CFAP69: variants seen among roughly 807,000 people sequenced by gnomAD.
The protein encoded by CFAP69 is cilia- and flagella-associated protein 69.
CFAP69 carries 92 observed loss-of-function variants against 123.0 expected under a neutral mutation model. The observed-to-expected ratio is 0.75, with a 90% confidence interval of 0.63 to 0.89. The LOEUF is 0.89. Among genes scored for constraint, CFAP69 ranks in the 40% least tolerant of loss-of-function variants. The probability of loss-of-function intolerance (pLI) is 0.00; values close to 1 mark genes in which losing one functional copy is unlikely to be tolerated. For missense variants in CFAP69, 1,067 were observed against 1,096.9 expected (o/e 0.97, Z 0.39); for synonymous variants, 380 against 364.3 (o/e 1.04, Z -0.49).
intron 11 of CFAP69, among the ~76,000 whole-genome samples, chr7:90,278,714 C>G (rs1788978914): frequency 6.6e-6 from 1 of 152,030 alleles, no homozygotes. Flanking sequence ...TTTTATGTGT[C>G]ACATAATTTG....
At chr7:90,250,143 AG>A (rs1300496721) in intron 1 of CFAP69, among the ~76,000 whole-genome samples, 2 of 151,346 alleles carry the variant, frequency 1.3e-5, no homozygotes, top group African/African-American at 4.9e-5. Flanking sequence ...AGGAATTCAA[AG>A]CTAGCCTGGG....
At chr7:90,317,931 T>C in the CFAP69 span, 9 of 152,180 alleles carry the variant, frequency 5.9e-5, no homozygotes, top group Admixed American at 5.9e-4. Flanking sequence ...TGAAAACCTA[T>C]GGGTGAGATT....
At chr7:90,280,505 C>T (rs892127092) in intron 12 of CFAP69, among the ~76,000 whole-genome samples, 6 of 152,218 alleles carry the variant, frequency 3.9e-5, no homozygotes, top group African/African-American at 1.4e-4. Context: ...CAATATTGCC[C>T]AGTCTGGCAG....
At chr7:90,263,078 T>A (rs1798553505) in intron 4 of CFAP69, among the ~76,000 whole-genome samples, 1 of 152,208 alleles carries the variant, frequency 6.6e-6, no homozygotes, top group Non-Finnish European at 1.5e-5. Flanking sequence ...ATCTCAAGGC[T>A]TTGCAAATCC....
intron 8 of CFAP69, among the ~76,000 whole-genome samples, chr7:90,272,444 T>C (rs554159217): frequency 6.6e-6 from 1 of 152,232 alleles, no homozygotes; most frequent in Admixed American, 6.5e-5. Context: ...ATTTACATTG[T>C]GCTAGGAGGG....
chr7:90,281,274 AC>A (rs1291721435), intron 12 of CFAP69, among the ~76,000 whole-genome samples: 2 of 152,196 alleles, frequency 1.3e-5, no homozygotes, highest in Admixed American at 6.5e-5. Context: ...ATTTTAACCA[AC>A]ATGCAATACT....
chr7:90,315,957 G>T (rs1265017474), downstream of CFAP69, among the ~76,000 whole-genome samples: 1 of 152,082 alleles, frequency 6.6e-6, no homozygotes, highest in Non-Finnish European at 1.5e-5. Context: ...AGCTGGGCAT[G>T]GTGGCAGGTG....
rs745328008 is a variant in CFAP69 at position 90,307,958 on chromosome 7, C to T, written c.2550+104C>T. ...ATTCATTTTTTCCTAGTGACCTTTCCGTACAATACCAGCACTATTAGATGC... is the reference window on the plus strand; with the variant it reads ...ATTCATTTTTTCCTAGTGACCTTTCTGTACAATACCAGCACTATTAGATGC... On this transcript the variant is annotated intron_variant, in intron 21 of 22. Transcript: ENST00000389297. The T allele has an allele frequency of 1.3e-4, 87 of 657,240 alleles. 1 individual carries two copies. The Middle Eastern group carries it at 8.6e-3, about 65-fold the overall frequency. 40.7% of individuals were successfully genotyped at this position (657,240 alleles called of 1,614,324 possible).
intron 22 of CFAP69, 142 bp from the exon 23 acceptor site, chr7:90,309,926 A>G: frequency 1.7e-6 from 1 of 603,950 alleles, no homozygotes; most frequent in Non-Finnish European, 2.8e-6. Context: ...CGATGCCCTT[A>G]TCTTTCTATT....
chr7:90,286,802 T>C (rs1790353011), intron 14 of CFAP69, among the ~76,000 whole-genome samples: 1 of 152,142 alleles, frequency 6.6e-6, no homozygotes, highest in Non-Finnish European at 1.5e-5. Flanking sequence ...AATATATCCA[T>C]GTTGGCCGGG....
In CFAP69 at chr7:90,258,269, A is replaced by C. The variant is rs185565732; in HGVS notation, c.246+106A>C. 1.8e-5 allele frequency: 15 copies of C among 830,472 alleles called. No individual in the cohort carries two copies. The Admixed American group carries it at 3.1e-4, about 17-fold the overall frequency. The allele number at this position is 830,472 out of a possible 1,614,324, so 51.4% of individuals were successfully genotyped here. ...TTGCTGTTGTAACAAATTACCATAA[A>C]TTTGATGGCTTAAAACAACATAAAG... On this transcript the variant is annotated intron_variant, in intron 3 of 22. Coordinates refer to ENST00000389297, the MANE Select transcript of CFAP69 (RefSeq NM_001039706.3).
intron 8 of CFAP69, among the ~76,000 whole-genome samples, chr7:90,273,183 C>A (rs1183958615): frequency 3.3e-5 from 5 of 152,038 alleles, no homozygotes; most frequent in Non-Finnish European, 2.9e-5. Context: ...GTTTTGCATG[C>A]GGAGAGCATC....
chr7:90,268,412 T>TAACTTGTGTATGTAG, intron 6 of CFAP69, 28 bp downstream of exon 6: 1 of 1,450,214 alleles, frequency 6.9e-7, no homozygotes, highest in Non-Finnish European at 9.7e-7. Flanking sequence ...CTTTCAGTGA[T>TAACTTGTGTATGTAG]AACTTGTGTA....
chr7:90,248,696 C>G (rs1796605307), intron 1 of CFAP69, among the ~76,000 whole-genome samples: 1 of 152,138 alleles, frequency 6.6e-6, no homozygotes, highest in African/African-American at 2.4e-5. Context: ...CAAATTTTCT[C>G]TCTATAAAAA....
rs1584426312 is a variant in CFAP69, at chr7:90,277,257, T to G, written c.1078T>G (p.Ser360Ala). 1 of 1,591,924 alleles carries G rather than the reference T, an allele frequency of 6.3e-7. No homozygotes were observed. Among genetic ancestry groups the G allele is most frequent in the African/African-American group, 1.4e-5 (1 of 73,564 alleles). ...LLVKGLKLSN[S>A]YEDFELKKLL... ...GGTAAAAGGACTTAAGCTTTCTAAT[T>G]CCTATGAAGATTTTGAGTTGAAGAA... Residue 360 changes from serine (S) to alanine (A), a missense_variant, in exon 11 of 23, where the codon TCC becomes GCC. Coordinates refer to ENST00000389297, the MANE Select transcript of CFAP69 (RefSeq NM_001039706.3).
chr7:90,271,501 G>A (rs1359762680), intron 6 of CFAP69, 25 bp from the exon 7 acceptor site: 3 of 1,595,840 alleles, frequency 1.9e-6, no homozygotes, highest in Admixed American at 1.7e-5. Flanking sequence ...ATAACTGTAT[G>A]TATTTATTAA....
At chr7:90,269,707 G>A (rs1456412474) in intron 6 of CFAP69, among the ~76,000 whole-genome samples, 1 of 152,168 alleles carries the variant, frequency 6.6e-6, no homozygotes, top group Non-Finnish European at 1.5e-5. Flanking sequence ...ATTTGAGAGT[G>A]AGAGAGTAGT....
At chr7:90,274,145 T>A (rs759260174) in intron 9 of CFAP69, 35 bp downstream of exon 9, 2 of 1,583,408 alleles carry the variant, frequency 1.3e-6, no homozygotes, top group Non-Finnish European at 1.7e-6. Context: ...ATTTTAATTG[T>A]GGAAGTGGTG....
chr7:90,302,355 A>G (rs1257117374), intron 17 of CFAP69: 1 of 152,032 alleles, frequency 6.6e-6, no homozygotes, highest in Non-Finnish European at 1.5e-5. Flanking sequence ...TTTTGCTTGT[A>G]TTGTGATTCC....
Sources: gnomAD v4.1 joint callset for allele counts (sites outside exome capture counted in the v4.1 genomes callset) on GRCh38, gnomAD v4.1.1 for gene constraint, MANE v1.5 for transcripts, NCBI Gene and HGNC (gene_info 2026-07-23, HGNC 2026-07-21) for gene names.